The following NIPSNAP3B variants were observed in gnomAD, a reference collection of about 807,000 sequenced individuals.
NIPSNAP3B encodes nipsnap homolog 3B.
NIPSNAP3B carries 30 observed loss-of-function variants against 31.5 expected under a neutral mutation model. The ratio of observed to expected loss-of-function variants is 0.95; its 90% CI spans 0.71 to 1.29. NIPSNAP3B has a LOEUF of 1.29. Among genes scored for constraint, NIPSNAP3B ranks in the 50% most tolerant of loss-of-function variants. The probability of loss-of-function intolerance (pLI) is 0.00; values close to 1 mark genes in which losing one functional copy is unlikely to be tolerated. For synonymous variants in NIPSNAP3B, 106 were observed against 107.9 expected, an observed-to-expected ratio of 0.98 and a Z score of 0.11; for missense variants, 269 against 300.7, an observed-to-expected ratio of 0.89 and a Z score of 0.78.
the NIPSNAP3B span, chr9:104,788,527 A>G: frequency 1.2e-6 from 2 of 1,614,108 alleles, no homozygotes; most frequent in Non-Finnish European, 8.5e-7. Flanking sequence ...TGAGGGCAGT[A>G]GCCCATGTTC....
At chr9:104,784,175 G>A in the NIPSNAP3B span, 1 of 1,077,160 alleles carries the variant, frequency 9.3e-7, no homozygotes, top group East Asian at 2.4e-5. Context: ...GAATTGCATT[G>A]CATTGAATAG....
At chr9:104,784,504 A>G in the NIPSNAP3B span, 1 of 1,609,298 alleles carries the variant, frequency 6.2e-7, no homozygotes, top group Non-Finnish European at 8.5e-7. Context: ...CAACTTGCTC[A>G]TTCTTTATTC....
intron 1 of NIPSNAP3B, among the ~76,000 whole-genome samples, chr9:104,765,566 TA>T (rs926435527): frequency 6.6e-6 from 1 of 152,236 alleles, no homozygotes; most frequent in African/African-American, 2.4e-5. Flanking sequence ...GGGTGGTTCT[TA>T]AAGGATAGTT....
intron 1 of NIPSNAP3B, among the ~76,000 whole-genome samples, chr9:104,764,659 C>T (rs552447546): frequency 8.5e-5 from 13 of 152,372 alleles, no homozygotes; most frequent in East Asian, 1.9e-4. Flanking sequence ...CCTGCCTCAT[C>T]CTCCGGAGTA....
At chr9:104,788,605 G>T in the NIPSNAP3B span, 1 of 1,611,552 alleles carries the variant, frequency 6.2e-7, no homozygotes, top group Non-Finnish European at 8.5e-7. Context: ...TTTTAAGCAG[G>T]TAGAGATACT....
intron 1 of NIPSNAP3B, among the ~76,000 whole-genome samples, chr9:104,765,407 G>A (rs572442841): frequency 2.6e-5 from 4 of 152,292 alleles, no homozygotes; most frequent in South Asian, 4.1e-4. Flanking sequence ...GTATACACGT[G>A]TGTTTACATA....
At chr9:104,767,346 C>T (rs1329964957) in intron 2 of NIPSNAP3B, among the ~76,000 whole-genome samples, 2 of 152,000 alleles carry the variant, frequency 1.3e-5, no homozygotes, top group Non-Finnish European at 2.9e-5. Flanking sequence ...GCTGACCTAC[C>T]CCTGGTTTAG....
At chr9:104,764,347 A>AGGGGC in intron 1 of NIPSNAP3B, 47 bp downstream of exon 1, 1 of 1,470,134 alleles carries the variant, frequency 6.8e-7, no homozygotes, top group East Asian at 2.5e-5. Flanking sequence ...AGGGGAGGGG[A>AGGGGC]GGGGCGGGGG....
At chr9:104,786,345 G>A in the NIPSNAP3B span, 11 of 1,614,036 alleles carry the variant, frequency 6.8e-6, no homozygotes, top group Non-Finnish European at 8.5e-6. Flanking sequence ...ACCTTCCATT[G>A]ACCATGATTG....
At chr9:104,772,254 A>G (rs1223070468) in intron 4 of NIPSNAP3B, among the ~76,000 whole-genome samples, 2 of 149,900 alleles carry the variant, frequency 1.3e-5, no homozygotes, top group African/African-American at 2.4e-5. Context: ...ATTAGATACC[A>G]TTTGTCAATT....
chr9:104,784,558 A>T, the NIPSNAP3B span: 1 of 1,360,928 alleles, frequency 7.3e-7, no homozygotes. Flanking sequence ...AAGTAGGAGC[A>T]TACAGAATTA....
intron 2 of NIPSNAP3B, among the ~76,000 whole-genome samples, chr9:104,767,905 G>A (rs1387246397): frequency 6.6e-6 from 1 of 152,010 alleles, no homozygotes; most frequent in Non-Finnish European, 1.5e-5. Flanking sequence ...GAGGTTGCAG[G>A]AGGTTGGTAC....
downstream of NIPSNAP3B, chr9:104,781,000 A>G (rs1176868173): frequency 6.6e-6 from 1 of 152,630 alleles, no homozygotes; most frequent in African/African-American, 2.4e-5. Flanking sequence ...CACAAAAGTA[A>G]ATTTCTGTAG....
the NIPSNAP3B span, among the ~76,000 whole-genome samples, chr9:104,785,092 T>C: frequency 4.6e-5 from 7 of 152,190 alleles, no homozygotes; most frequent in South Asian, 4.1e-4. Context: ...ATTTGGTACT[T>C]TTTTATCTAA....
In NIPSNAP3B at chr9:104,777,648, GC is replaced by G. The variant is rs1283318061; in HGVS notation, c.*4577del. Among the ~76,000 whole-genome samples, 26 of 152,326 alleles carry G rather than the reference GC, an allele frequency of 1.7e-4. 1 individual carries two copies. The highest frequency in any genetic ancestry group is 1.7e-3 in the South Asian group (8 of 4,830). Reference sequence around the variant, plus strand: ...GTACAAGGCTCCTGCCAGAAGAAATGCCTGTAGGATTAAAAGCAAAACAGCA... The same window carrying G: ...GTACAAGGCTCCTGCCAGAAGAAATGCTGTAGGATTAAAAGCAAAACAGCA... On this transcript the variant is annotated 3_prime_UTR_variant, in exon 6 of 6. Transcript: ENST00000374762.
chr9:104,771,098 T>G (rs1201881650), intron 4 of NIPSNAP3B, 100 bp downstream of exon 4: 1 of 1,090,096 alleles, frequency 9.2e-7, no homozygotes, highest in African/African-American at 1.6e-5. Context: ...TCTCCAAATT[T>G]TTAGAGTTTG....
At chr9:104,789,833 C>A in the NIPSNAP3B span, among the ~76,000 whole-genome samples, 1 of 152,216 alleles carries the variant, frequency 6.6e-6, no homozygotes, top group Admixed American at 6.5e-5. Context: ...GTGGCTCATG[C>A]CTGTAATCCC....
chr9:104,781,564 G>A (rs987518378), downstream of NIPSNAP3B: 2 of 152,606 alleles, frequency 1.3e-5, no homozygotes, highest in African/African-American at 2.4e-5. Flanking sequence ...TACAGTGAAT[G>A]AATGATGTGC....
intron 4 of NIPSNAP3B, 197 bp downstream of exon 4, chr9:104,771,195 A>G (rs1332146229): frequency 4.1e-6 from 2 of 483,058 alleles, no homozygotes; most frequent in Non-Finnish European, 7.3e-6. Flanking sequence ...GCCTTTTTCA[A>G]ATGCTGAACT....
Sources: allele counts gnomAD v4.1 joint callset (sites outside exome capture counted in the v4.1 genomes callset), GRCh38; gene constraint gnomAD v4.1.1; transcripts MANE v1.5; gene names NCBI Gene and HGNC (gene_info 2026-07-23, HGNC 2026-07-21).